Variants in PTPRN2 observed in about 807,000 individuals in gnomAD.
PTPRN2 encodes the protein protein tyrosine phosphatase receptor type N2.
In PTPRN2, 74 loss-of-function variants were observed where a neutral mutation model predicts 118.8. The ratio of observed to expected loss-of-function variants is 0.62; its 90% CI spans 0.52 to 0.76. PTPRN2 has a LOEUF of 0.76. Among genes scored for constraint, PTPRN2 ranks in the 30% least tolerant of loss-of-function variants. PTPRN2 has a pLI of 0.00. For missense variants in PTPRN2, 1,481 were observed against 1,394.4 expected, an observed-to-expected ratio of 1.06 and a Z score of -0.99; for synonymous variants, 641 against 608.0, an observed-to-expected ratio of 1.05 and a Z score of -0.80.
chr7:158,505,709 G>A (rs1023361733), intron 1 of PTPRN2, among the ~76,000 whole-genome samples: 9 of 145,468 alleles, frequency 6.2e-5, no homozygotes, highest in East Asian at 4.3e-4. Context: ...AGGAGGGAAC[G>A]GAGGAGCCGG....
chr7:157,823,291 A>G (rs894253291), intron 12 of PTPRN2, among the ~76,000 whole-genome samples: 3 of 152,246 alleles, frequency 2.0e-5, no homozygotes, highest in African/African-American at 7.2e-5. Flanking sequence ...AAATTATTAG[A>G]ATAAGTTCAA....
intron 3 of PTPRN2, among the ~76,000 whole-genome samples, chr7:158,259,578 CA>C (rs1487873117): frequency 1.3e-5 from 2 of 152,304 alleles, no homozygotes; most frequent in South Asian, 4.2e-4. Context: ...AACAAGAGCC[CA>C]AGAGTGGGAC....
intron 4 of PTPRN2, among the ~76,000 whole-genome samples, chr7:158,193,710 C>T (rs1214550223): frequency 6.6e-6 from 1 of 152,092 alleles, no homozygotes; most frequent in Non-Finnish European, 1.5e-5. Context: ...CTGGTCTCTG[C>T]ACCCAGGACT....
At chr7:158,025,628 G>T (rs1807206680) in intron 11 of PTPRN2, among the ~76,000 whole-genome samples, 1 of 152,236 alleles carries the variant, frequency 6.6e-6, no homozygotes. Flanking sequence ...GGGGATGATG[G>T]CTGGTGTATT....
At chr7:158,143,520 C>A (rs776039375) in intron 6 of PTPRN2, among the ~76,000 whole-genome samples, 1 of 152,160 alleles carries the variant, frequency 6.6e-6, no homozygotes, top group Non-Finnish European at 1.5e-5. Context: ...GGACACCAGT[C>A]CCCGTGATGG....
chr7:158,378,972 T>C (rs533710244), intron 2 of PTPRN2, among the ~76,000 whole-genome samples: 3 of 152,308 alleles, frequency 2.0e-5, no homozygotes, highest in African/African-American at 7.2e-5. Context: ...AATAAGTATT[T>C]ATTGACAGTG....
intron 12 of PTPRN2, among the ~76,000 whole-genome samples, chr7:157,755,374 AG>A (rs771734654): frequency 9.6e-4 from 146 of 152,326 alleles, no homozygotes; most frequent in Middle Eastern, 3.4e-3. Flanking sequence ...ATTACAATTT[AG>A]TCCTGGGTAC....
At chr7:158,046,281 ACTGCGATCCTGGCATCCTGACG>A (rs1025874730) in intron 11 of PTPRN2, among the ~76,000 whole-genome samples, 2 of 133,568 alleles carry the variant, frequency 1.5e-5, no homozygotes, top group Non-Finnish European at 3.2e-5. Context: ...AGGAGCAGAA[ACTGCGATCCTGGCATCCTGACG>A]CTGCGATCCT....
chr7:158,365,858 A>ACC (rs1809431059), intron 2 of PTPRN2, among the ~76,000 whole-genome samples: 2 of 125,830 alleles, frequency 1.6e-5, no homozygotes, highest in African/African-American at 3.1e-5. Flanking sequence ...ACCCACACAC[A>ACC]CACAGCATCC....
chr7:157,852,260 A>T (rs913978002), intron 12 of PTPRN2, among the ~76,000 whole-genome samples: 1 of 152,266 alleles, frequency 6.6e-6, no homozygotes, highest in Non-Finnish European at 1.5e-5. Flanking sequence ...GTATTTTTTT[A>T]AAAGTCAGTT....
At chr7:157,795,957 A>AG (rs982376941) in intron 12 of PTPRN2, among the ~76,000 whole-genome samples, 1 of 152,190 alleles carries the variant, frequency 6.6e-6, no homozygotes, top group South Asian at 2.1e-4. Context: ...ACCGTGATGG[A>AG]GGGGGGCAGG....
In PTPRN2 at chr7:157,787,436, C is replaced by T. The variant is rs76998910; in HGVS notation, c.1789-104499G>A. ...CAGCAGCCGGTGGGCCTGGGGGGCG[C>T]GTGGACTCCCAGCTGTTGCTGTGCC... On this transcript the variant is annotated intron_variant, in intron 12 of 22. Coordinates refer to ENST00000389418, the MANE Select transcript of PTPRN2 (RefSeq NM_002847.5). This position sits in a 1 kb window ranked among gnomAD's most constrained non-coding sequence, Gnocchi z 5.3. Among the ~76,000 whole-genome samples the T allele has an allele frequency of 8.5e-3, 1,295 of 151,988 alleles. 39 individuals carry two copies. The South Asian group carries it at 0.1, about 12-fold the overall frequency.
intron 2 of PTPRN2, among the ~76,000 whole-genome samples, chr7:158,382,275 G>A (rs1470626317): frequency 6.6e-6 from 1 of 152,090 alleles, no homozygotes; most frequent in Non-Finnish European, 1.5e-5. Context: ...GGGAGGATGG[G>A]GCCACTGCAT....
At position 158,174,293 on chromosome 7, in the gene PTPRN2, A is replaced by C. The variant is rs550752874; in HGVS notation, c.550-7002T>G. On this transcript the variant is annotated intron_variant, in intron 5 of 22. Transcript: ENST00000389418. ...AACAACTTCCACCATCAACAATATC[A>C]TCTCCACTATCTCCACCATCAACAG... 2.6e-5 allele frequency among the ~76,000 whole-genome samples: 4 copies of C among 152,084 alleles called. 1 individual carries two copies. The highest frequency in any genetic ancestry group is 9.6e-5 in the African/African-American group (4 of 41,478).
intron 3 of PTPRN2, among the ~76,000 whole-genome samples, chr7:158,271,743 A>C (rs1328238109): frequency 6.6e-6 from 1 of 152,114 alleles, no homozygotes; most frequent in Non-Finnish European, 1.5e-5. Context: ...GTGAGCGCCC[A>C]CTTTTTGGTT....
chr7:158,313,235 A>G (rs1802019348), intron 3 of PTPRN2, among the ~76,000 whole-genome samples: 1 of 152,148 alleles, frequency 6.6e-6, no homozygotes, highest in African/African-American at 2.4e-5. Context: ...TGGCCCTGGC[A>G]ACCAAAGAGG....
In PTPRN2 at chr7:158,072,097, A is replaced by G. The variant is rs111483696; in HGVS notation, c.1723+9201T>C. Among the ~76,000 whole-genome samples the G allele has an allele frequency of 5.7e-3, 629 of 110,986 alleles. 6 individuals carry two copies. The highest frequency in any genetic ancestry group is 0.045 in the Middle Eastern group (7 of 154). 72.8% of individuals were successfully genotyped at this position (110,986 alleles called of 152,430 possible). A position where few individuals can be genotyped will look rare whatever the true frequency, so the allele number is the denominator to read the frequency against. ...TGCTCGTGGTGGTGGAGGTGCTCGT[A>G]GTATGGAGGTGCTCATGGTGGTGGA... is the stretch of plus-strand genomic sequence containing the variant. On this transcript the variant is annotated intron_variant, in intron 11 of 22. Transcript: ENST00000389418.
At chr7:157,835,689 G>A (rs915140874) in intron 12 of PTPRN2, among the ~76,000 whole-genome samples, 3 of 152,184 alleles carry the variant, frequency 2.0e-5, no homozygotes, top group Non-Finnish European at 2.9e-5. Flanking sequence ...CTGCAAATGC[G>A]TGGGAAACAA....
At chr7:157,980,516 C>G (rs902430715) in intron 11 of PTPRN2, among the ~76,000 whole-genome samples, 23 of 152,166 alleles carry the variant, frequency 1.5e-4, no homozygotes, top group Non-Finnish European at 4.4e-5. Context: ...CTTTGGGAGG[C>G]CGAGGTGGGG....
Sources: allele counts gnomAD v4.1 joint callset (sites outside exome capture counted in the v4.1 genomes callset), GRCh38; gene constraint gnomAD v4.1.1; non-coding constraint Gnocchi (gnomAD v3.1); transcripts MANE v1.5; gene names NCBI Gene and HGNC (gene_info 2026-07-23, HGNC 2026-07-21).